AGPAT5: variants seen among roughly 807,000 people sequenced by gnomAD.
AGPAT5 encodes 1-acyl-sn-glycerol-3-phosphate acyltransferase epsilon.
Under a neutral mutation model 45.6 loss-of-function variants are expected in AGPAT5, and 46 were observed. The observed-to-expected ratio is 1.01, with a 90% confidence interval of 0.80 to 1.29. The LOEUF is 1.29. Among genes scored for constraint, AGPAT5 ranks in the 50% most tolerant of loss-of-function variants. AGPAT5 has a pLI of 0.00. For missense variants in AGPAT5, 673 were observed against 450.7 expected (o/e 1.49, Z -4.47); for synonymous variants, 272 against 167.0 (o/e 1.63, Z -4.85).
intron 3 of AGPAT5, among the ~76,000 whole-genome samples, chr8:6,731,690 T>G (rs1450350279): frequency 6.6e-6 from 1 of 152,126 alleles, no homozygotes; most frequent in Non-Finnish European, 1.5e-5. Context: ...GGCATAGAAT[T>G]TGATAGGCAA....
At chr8:6,749,565 A>T (rs1200256055) in intron 6 of AGPAT5, among the ~76,000 whole-genome samples, 1 of 152,046 alleles carries the variant, frequency 6.6e-6, no homozygotes, top group Non-Finnish European at 1.5e-5. Flanking sequence ...AGTTTTCTTA[A>T]TTTGTTGTGC....
At position 6,755,318 on chromosome 8, in the gene AGPAT5, C is replaced by T. The variant is rs77592079; in HGVS notation, c.869+144C>T. The T allele has an allele frequency of 3.0e-3, 2,811 of 945,790 alleles. 61 individuals carry two copies. The African/African-American group carries it at 0.043, about 14-fold the overall frequency. The allele number at this position is 945,790 out of a possible 1,614,324, so 58.6% of individuals were successfully genotyped here. On this transcript the variant is annotated intron_variant, in intron 7 of 7. Transcript: ENST00000285518. ...AAATCAAATTTTATGCATGTCTGAT[C>T]GTGTTTTAAACTTTACTTGTACAAA...
At chr8:6,740,066 A>G (rs754023940) in intron 4 of AGPAT5, among the ~76,000 whole-genome samples, 6 of 152,182 alleles carry the variant, frequency 3.9e-5, no homozygotes, top group Non-Finnish European at 7.4e-5. Context: ...TTCCTGGAAC[A>G]TAATAAGTAT....
At position 6,708,690 on chromosome 8, in the gene AGPAT5, C is replaced by T; in HGVS notation, c.22C>T (p.His8Tyr). ...GAAGATGCTGCTGTCCCTGGTGCTCCACACGTACTCCATGCGCTACCTGCT... is the reference window on the plus strand; with the variant it reads ...GAAGATGCTGCTGTCCCTGGTGCTCTACACGTACTCCATGCGCTACCTGCT... Reference protein sequence around the residue: MLLSLVLHTYSMRYLLPS... With the variant: MLLSLVLYTYSMRYLLPS... The change falls in exon 1 of 8, where the codon CAC (histidine) becomes TAC (tyrosine). Residue 8 changes from histidine to tyrosine, a missense_variant. His to Tyr is a moderately conservative substitution (Grantham distance 83). Coordinates refer to ENST00000285518, the MANE Select transcript of AGPAT5 (RefSeq NM_018361.5). The T allele has an allele frequency of 6.2e-7, 1 of 1,602,638 alleles. No individual in the cohort carries two copies. Among genetic ancestry groups the T allele is most frequent in the Non-Finnish European group, 8.5e-7 (1 of 1,179,050 alleles).
intron 1 of AGPAT5, among the ~76,000 whole-genome samples, chr8:6,719,233 TG>T (rs1319199371): frequency 3.3e-5 from 5 of 152,238 alleles, no homozygotes; most frequent in Non-Finnish European, 5.9e-5. Flanking sequence ...AGAATTTTTT[TG>T]CACATTATTT....
intron 7 of AGPAT5, among the ~76,000 whole-genome samples, chr8:6,756,281 A>G (rs879881308): frequency 2.5e-4 from 38 of 152,130 alleles, no homozygotes; most frequent in African/African-American, 8.9e-4. Flanking sequence ...AGCAGTCCAT[A>G]TCCATGGATT....
At chr8:6,713,637 C>G (rs544520515) in intron 1 of AGPAT5, among the ~76,000 whole-genome samples, 60 of 152,290 alleles carry the variant, frequency 3.9e-4, no homozygotes, top group African/African-American at 1.4e-3. Context: ...TCACTGCAAC[C>G]TCTGCCCCCG....
At chr8:6,730,238 A>T (rs1480614732) in intron 2 of AGPAT5, among the ~76,000 whole-genome samples, 1 of 151,740 alleles carries the variant, frequency 6.6e-6, no homozygotes, top group Non-Finnish European at 1.5e-5. Context: ...CAAAAAAAAA[A>T]AGCTCAAAAA....
chr8:6,723,610 C>T (rs1398236613), intron 1 of AGPAT5, among the ~76,000 whole-genome samples: 1 of 152,202 alleles, frequency 6.6e-6, no homozygotes, highest in African/African-American at 2.4e-5. Flanking sequence ...TCACAAGCCA[C>T]GATGTCACTT....
At chr8:6,754,391 A>C (rs1375452452) in intron 6 of AGPAT5, among the ~76,000 whole-genome samples, 1 of 152,234 alleles carries the variant, frequency 6.6e-6, no homozygotes, top group African/African-American at 2.4e-5. Flanking sequence ...CAGGAAAGCA[A>C]GGAGTGGCAA....
chr8:6,736,253 C>G (rs746814772), intron 4 of AGPAT5, among the ~76,000 whole-genome samples: 5 of 152,200 alleles, frequency 3.3e-5, no homozygotes, highest in Non-Finnish European at 7.3e-5. Flanking sequence ...ATTAATTGTA[C>G]TACAGATTTT....
At chr8:6,727,322 G>T (rs1227585486) in intron 2 of AGPAT5, among the ~76,000 whole-genome samples, 5 of 151,894 alleles carry the variant, frequency 3.3e-5, no homozygotes, top group Admixed American at 3.3e-4. Context: ...TCTCGAGTCA[G>T]CAGGATATAG....
At chr8:6,737,415 A>T (rs1408416045) in intron 4 of AGPAT5, among the ~76,000 whole-genome samples, 1 of 152,218 alleles carries the variant, frequency 6.6e-6, no homozygotes, top group Non-Finnish European at 1.5e-5. Context: ...ATCAGTTCTT[A>T]TTCGGTATTA....
intron 2 of AGPAT5, 129 bp downstream of exon 2, chr8:6,725,068 G>T (rs978417690): frequency 3.1e-6 from 1 of 326,836 alleles, no homozygotes. Flanking sequence ...TATTACACCT[G>T]TTCTTGTATT....
At chr8:6,725,310 A>G (rs1800649453) in intron 2 of AGPAT5, among the ~76,000 whole-genome samples, 1 of 152,232 alleles carries the variant, frequency 6.6e-6, no homozygotes, top group Admixed American at 6.5e-5. Flanking sequence ...GCTAAGCTGC[A>G]GAAAAGCTGT....
At chr8:6,710,171 CA>C (rs1800105086) in intron 1 of AGPAT5, among the ~76,000 whole-genome samples, 1 of 151,980 alleles carries the variant, frequency 6.6e-6, no homozygotes, top group African/African-American at 2.4e-5. Context: ...TATTTTTGTT[CA>C]AAGAGGACAC....
At chr8:6,742,126 T>G (rs1230978685) in intron 5 of AGPAT5, among the ~76,000 whole-genome samples, 2 of 152,206 alleles carry the variant, frequency 1.3e-5, no homozygotes, top group Non-Finnish European at 2.9e-5. Flanking sequence ...AAACTCGTAC[T>G]TTTATTAGCT....
At chr8:6,728,674 A>C (rs1307177513) in intron 2 of AGPAT5, among the ~76,000 whole-genome samples, 1 of 152,244 alleles carries the variant, frequency 6.6e-6, no homozygotes, top group Non-Finnish European at 1.5e-5. Flanking sequence ...CTGGTTTTTA[A>C]CTTTGTACGC....
chr8:6,709,515 C>A (rs1207296616), intron 1 of AGPAT5: 3 of 150,308 alleles, frequency 2.0e-5, no homozygotes, highest in African/African-American at 4.9e-5. Flanking sequence ...GAGAAACAAA[C>A]CATAAAAGTG....
Sources: gnomAD v4.1 joint callset for allele counts (sites outside exome capture counted in the v4.1 genomes callset) on GRCh38, gnomAD v4.1.1 for gene constraint, MANE v1.5 for transcripts, NCBI Gene and HGNC (gene_info 2026-07-23, HGNC 2026-07-21) for gene names.